Variants in MAGI2 observed in about 807,000 individuals in gnomAD.
MAGI2 encodes membrane-associated guanylate kinase, WW and PDZ domain-containing protein 2.
MAGI2 carries 35 observed loss-of-function variants against 133.3 expected under a neutral mutation model. The ratio of observed to expected loss-of-function variants is 0.26; its 90% CI spans 0.20 to 0.35. The LOEUF is 0.35. MAGI2 is among the 10% of genes least tolerant of loss of function. The pLI, the probability that MAGI2 is intolerant of heterozygous loss-of-function variation, is 1.00. For missense variants in MAGI2, 1,636 were observed against 1,863.4 expected (o/e 0.88, Z 2.25); for synonymous variants, 729 against 710.6 (o/e 1.03, Z -0.41).
chr7:78,152,927 T>C (rs1287248926), intron 16 of MAGI2, among the ~76,000 whole-genome samples: 2 of 152,192 alleles, frequency 1.3e-5, no homozygotes, highest in Admixed American at 6.5e-5. Flanking sequence ...TAAGAGAACA[T>C]TACATGTTGA....
At chr7:79,420,653 A>C (rs1304877503) in intron 1 of MAGI2, among the ~76,000 whole-genome samples, 1 of 152,002 alleles carries the variant, frequency 6.6e-6, no homozygotes, top group Non-Finnish European at 1.5e-5. Flanking sequence ...AGGCTAAAAT[A>C]AAGTCTTCAA....
chr7:78,781,116 C>T (rs756115818), intron 2 of MAGI2, among the ~76,000 whole-genome samples: 14 of 152,178 alleles, frequency 9.2e-5, no homozygotes, highest in Admixed American at 4.6e-4. Context: ...GGGTGGCTCA[C>T]GCCTGTAATC....
intron 1 of MAGI2, among the ~76,000 whole-genome samples, chr7:79,342,072 T>A (rs934574812): frequency 1.3e-5 from 2 of 152,158 alleles, no homozygotes; most frequent in Non-Finnish European, 2.9e-5. Context: ...TGATTCTCAA[T>A]GAGAACTCCA....
intron 1 of MAGI2, among the ~76,000 whole-genome samples, chr7:79,104,039 C>T (rs1281974287): frequency 6.6e-6 from 1 of 152,062 alleles, no homozygotes; most frequent in African/African-American, 2.4e-5. Flanking sequence ...TGGTTGTATT[C>T]ACTTTGTTAT....
At chr7:79,235,569 G>A (rs185464496) in intron 1 of MAGI2, among the ~76,000 whole-genome samples, 380 of 152,286 alleles carry the variant, frequency 2.5e-3, no homozygotes, top group Non-Finnish European at 3.7e-3. Flanking sequence ...AGGTGCGTCC[G>A]TCACCCCTTT....
At chr7:79,210,175 C>T (rs1326363784) in intron 1 of MAGI2, among the ~76,000 whole-genome samples, 1 of 151,952 alleles carries the variant, frequency 6.6e-6, no homozygotes, top group Non-Finnish European at 1.5e-5. Context: ...TTCTTTTATA[C>T]AAATGTCTAC....
chr7:78,629,686 T>C (rs1039289247), intron 2 of MAGI2, among the ~76,000 whole-genome samples: 1 of 151,224 alleles, frequency 6.6e-6, no homozygotes, highest in African/African-American at 2.4e-5. Context: ...AGTTTGATCC[T>C]CCTGATGCTT....
At chr7:78,402,914 G>A (rs1182612743) in intron 6 of MAGI2, among the ~76,000 whole-genome samples, 2 of 151,558 alleles carry the variant, frequency 1.3e-5, no homozygotes, top group Non-Finnish European at 2.9e-5. Context: ...AAAATATATT[G>A]GTATAAATTT....
At position 78,627,217 on chromosome 7, in the gene MAGI2, C is replaced by T; in HGVS notation, c.441G>A (p.Glu147=). Residue 147 remains glutamate (E), a synonymous_variant, in exon 3 of 22, where the codon GAG becomes GAA. Transcript: ENST00000354212. ...TATAATCCACTCCAGGGACCTCACCCTCCTTATGTGGCCTTGTGGTGCCTG... is the reference window on the plus strand; with the variant it reads ...TATAATCCACTCCAGGGACCTCACCTTCCTTATGTGGCCTTGTGGTGCCTG... The part of the protein sequence containing the change: ...TVPCTTRPHK[E]GEVPGVDYIF... 2 of 1,577,248 alleles carry T rather than the reference C, an allele frequency of 1.3e-6. No homozygotes were observed. The highest frequency in any genetic ancestry group is 2.4e-5 in the East Asian group (1 of 42,070).
chr7:79,283,653 T>G (rs1389906413), intron 1 of MAGI2, among the ~76,000 whole-genome samples: 1 of 152,114 alleles, frequency 6.6e-6, no homozygotes, highest in African/African-American at 2.4e-5. Flanking sequence ...TAAGAGGCTC[T>G]GGGAAAATTT....
At chr7:79,242,913 A>G (rs535276133) in intron 1 of MAGI2, among the ~76,000 whole-genome samples, 1 of 152,144 alleles carries the variant, frequency 6.6e-6, no homozygotes, top group Non-Finnish European at 1.5e-5. Flanking sequence ...ACCTTGATTA[A>G]TTTTTATATT....
chr7:78,824,870 T>C (rs1199319738), intron 2 of MAGI2, among the ~76,000 whole-genome samples: 4 of 152,290 alleles, frequency 2.6e-5, no homozygotes, highest in South Asian at 2.1e-4. Flanking sequence ...GTATACACCA[T>C]AGAATACTAT....
intron 3 of MAGI2, among the ~76,000 whole-genome samples, chr7:78,525,610 C>T (rs892538660): frequency 8.5e-5 from 13 of 152,220 alleles, no homozygotes; most frequent in South Asian, 2.1e-4. Context: ...TTAAAACAGA[C>T]GAAAAAACAA....
At chr7:78,790,580 C>T (rs1827168710) in intron 2 of MAGI2, among the ~76,000 whole-genome samples, 1 of 151,840 alleles carries the variant, frequency 6.6e-6, no homozygotes, top group Non-Finnish European at 1.5e-5. Context: ...ATTACAGGCG[C>T]CCACCACCAT....
chr7:78,871,378 C>T (rs192892314), intron 2 of MAGI2, among the ~76,000 whole-genome samples: 1 of 152,134 alleles, frequency 6.6e-6, no homozygotes, highest in Non-Finnish European at 1.5e-5. Flanking sequence ...TAAGACTACG[C>T]ACTGAGTACA....
intron 2 of MAGI2, among the ~76,000 whole-genome samples, chr7:78,802,615 A>G (rs1390342424): frequency 2.6e-5 from 4 of 152,184 alleles, no homozygotes; most frequent in Admixed American, 1.3e-4. Flanking sequence ...TAGTACTACT[A>G]TATAATGGTA....
At chr7:78,935,276 A>G (rs1220593782) in intron 2 of MAGI2, among the ~76,000 whole-genome samples, 2 of 152,190 alleles carry the variant, frequency 1.3e-5, no homozygotes, top group Admixed American at 1.3e-4. Flanking sequence ...TTTCTAATGT[A>G]CAAACTGACA....
rs372378251 is a variant in MAGI2, at chr7:78,183,713, G to A, written c.2311+1916C>T. Among the ~76,000 whole-genome samples, 33 of 152,316 alleles carry A rather than the reference G, an allele frequency of 2.2e-4. No homozygotes were observed. The South Asian group carries it at 6.2e-3, about 29-fold the overall frequency. On this transcript the variant is annotated intron_variant, in intron 13 of 21. Coordinates refer to ENST00000354212, the MANE Select transcript of MAGI2 (RefSeq NM_012301.4). ...GTCTCCCAAGTAGCTGGGACTACAG[G>A]CATGCGCCACAGCGCCCAGCTGTTT...
chr7:78,444,476 G>A (rs925662724), intron 6 of MAGI2, among the ~76,000 whole-genome samples: 13 of 151,922 alleles, frequency 8.6e-5, no homozygotes, highest in Admixed American at 7.2e-4. Flanking sequence ...TGTTGCTCTG[G>A]CTGGGCAGAA....
Sources: allele counts gnomAD v4.1 joint callset (sites outside exome capture counted in the v4.1 genomes callset), GRCh38; gene constraint gnomAD v4.1.1; transcripts MANE v1.5; gene names NCBI Gene and HGNC (gene_info 2026-07-23, HGNC 2026-07-21).